The following FAM76A variants were observed in gnomAD, a reference collection of about 807,000 sequenced individuals.
The protein encoded by FAM76A is family with sequence similarity 76 member A, also known as protein FAM76A.
FAM76A carries 32 observed loss-of-function variants against 46.2 expected under a neutral mutation model. The observed-to-expected ratio is 0.69, with a 90% CI of 0.52 to 0.93. FAM76A has a LOEUF of 0.93. Ranked by LOEUF, FAM76A falls within the 40% of genes least tolerant of loss-of-function variation. The pLI is 0.00. For missense variants in FAM76A, 274 were observed against 361.5 expected, an observed-to-expected ratio of 0.76 and a Z score of 1.96; for synonymous variants, 137 against 127.0, an observed-to-expected ratio of 1.08 and a Z score of -0.53.
chr1:27,755,070 A>T, intron 6 of FAM76A, 125 bp from the exon 7 acceptor site: 3 of 1,021,532 alleles, frequency 2.9e-6, no homozygotes, highest in Non-Finnish European at 4.4e-6. Context: ...GTGTGGTGCA[A>T]TGTGCTTGAT....
At position 27,726,047 on chromosome 1, in the gene FAM76A, G is replaced by A; in HGVS notation, c.-34G>A. ...ACTGTCAGATAAATCGGCGGGCCGG[G>A]CCGGCGGGTCGGTGAGCGCGGCCCG... On this transcript the variant is annotated 5_prime_UTR_variant, in exon 1 of 9. Coordinates refer to ENST00000373954, the MANE Select transcript of FAM76A (RefSeq NM_152660.3). 8.0e-7 allele frequency: 1 copy of A among 1,251,760 alleles called. No individual in the cohort carries two copies. The highest frequency in any genetic ancestry group is 1.0e-6 in the Non-Finnish European group (1 of 997,158). The allele number at this position is 1,251,760 out of a possible 1,614,324, so 77.5% of individuals were successfully genotyped here.
At chr1:27,734,655 T>C (rs369932626) in intron 4 of FAM76A, among the ~76,000 whole-genome samples, 15 of 152,258 alleles carry the variant, frequency 9.9e-5, no homozygotes, top group African/African-American at 3.4e-4. Context: ...TTTTCTTCAT[T>C]CATAAAATGT....
chr1:27,743,393 G>T (rs1557781057), intron 4 of FAM76A, among the ~76,000 whole-genome samples: 1 of 152,160 alleles, frequency 6.6e-6, no homozygotes, highest in Non-Finnish European at 1.5e-5. Context: ...GGCTCACGCA[G>T]TCCACCTGCC....
intron 6 of FAM76A, 138 bp downstream of exon 6, chr1:27,749,292 T>C (rs1327140114): frequency 6.3e-6 from 3 of 477,292 alleles, no homozygotes; most frequent in Non-Finnish European, 1.1e-5. Context: ...CTGATATTTG[T>C]TTATAAATCT....
At chr1:27,736,336 C>G (rs533791393) in intron 4 of FAM76A, among the ~76,000 whole-genome samples, 5 of 151,970 alleles carry the variant, frequency 3.3e-5, no homozygotes, top group African/African-American at 1.2e-4. Context: ...AAAAGGAAAG[C>G]GGGGAGGGTA....
At chr1:27,758,620 G>T (rs1174622850) in intron 7 of FAM76A, among the ~76,000 whole-genome samples, 1 of 150,730 alleles carries the variant, frequency 6.6e-6, no homozygotes, top group Non-Finnish European at 1.5e-5. Context: ...TCCCACCTCC[G>T]TCCTCTAAAT....
intron 1 of FAM76A, among the ~76,000 whole-genome samples, chr1:27,727,195 G>A (rs1476637407): frequency 6.6e-6 from 1 of 152,178 alleles, no homozygotes; most frequent in East Asian, 1.9e-4. Flanking sequence ...CTGGAATTCA[G>A]GGCTTCTGAT....
rs2088507616 is a variant in FAM76A, at chr1:27,761,351, A to C, written c.*770A>C. 1 of 152,558 alleles carries C rather than the reference A, an allele frequency of 6.6e-6. No homozygotes were observed. The highest frequency in any genetic ancestry group is 6.6e-5 in the Admixed American group (1 of 15,264). The allele number at this position is 152,558 out of a possible 1,614,324, so 9.5% of individuals were successfully genotyped here. A position where few individuals can be genotyped will look rare whatever the true frequency, so the allele number is the denominator to read the frequency against. On this transcript the variant is annotated 3_prime_UTR_variant, in exon 9 of 9. Transcript: ENST00000373954. ...TTGGAGTCTTAAAAACTGATTGCTA[A>C]GGTGAAACAATTCAATGCATAAGTA...
chr1:27,732,195 C>T (rs2087968648), intron 2 of FAM76A, among the ~76,000 whole-genome samples: 1 of 152,088 alleles, frequency 6.6e-6, no homozygotes, highest in East Asian at 1.9e-4. Flanking sequence ...TTTGGGAGGC[C>T]AAGGCAGATG....
At chr1:27,733,042 C>T (rs1245154590) in intron 3 of FAM76A, among the ~76,000 whole-genome samples, 1 of 151,716 alleles carries the variant, frequency 6.6e-6, no homozygotes, top group Admixed American at 6.6e-5. Context: ...AAGTGATTCT[C>T]CTGCCTCAGC....
In FAM76A at chr1:27,732,638, A is replaced by G; in HGVS notation, c.182A>G (p.Asn61Ser). 1 of 1,609,990 alleles carries G rather than the reference A, an allele frequency of 6.2e-7. No individual in the cohort carries two copies. The highest frequency in any genetic ancestry group is 8.5e-7 in the Non-Finnish European group (1 of 1,176,820). Residue 61 changes from asparagine to serine, a missense_variant, in exon 3 of 9, where the codon AAC (asparagine) becomes AGC (serine). By Grantham distance (46) the Asn-to-Ser change is conservative. Coordinates refer to ENST00000373954, the MANE Select transcript of FAM76A (RefSeq NM_152660.3). Reference sequence around the variant, plus strand: ...ACAATATGCAAGAAATGTGCTCAGAACGTGCAGTTGTATGGAACGGTAAGT... The same window carrying G: ...ACAATATGCAAGAAATGTGCTCAGAGCGTGCAGTTGTATGGAACGGTAAGT... ...TNTICKKCAQ[N>S]VQLYGTPKPC...
At chr1:27,737,868 C>CA (rs71571865) in intron 4 of FAM76A, among the ~76,000 whole-genome samples, 16,673 of 62,352 alleles carry the variant, frequency 0.27, 2,200 homozygotes, top group Non-Finnish European at 0.38. Flanking sequence ...ACAACAACAA[C>CA]AAAAAAAAAA....
chr1:27,737,871 A>C (rs866533919), intron 4 of FAM76A, among the ~76,000 whole-genome samples: 3,238 of 112,760 alleles, frequency 0.029, 20 homozygotes, highest in African/African-American at 0.072. Context: ...ACAACAACAA[A>C]AAAAAAAAAA....
chr1:27,736,190 C>T (rs762013011), intron 4 of FAM76A, among the ~76,000 whole-genome samples: 6 of 152,060 alleles, frequency 3.9e-5, no homozygotes, highest in Admixed American at 1.3e-4. Context: ...GGCGTGGTGG[C>T]GCACACCTGT....
chr1:27,740,041 G>T, intron 4 of FAM76A: 1 of 391,746 alleles, frequency 2.6e-6, no homozygotes, highest in South Asian at 2.3e-5. Flanking sequence ...TCTAGACTCT[G>T]GGTCCACCTG....
At chr1:27,757,763 G>T (rs540872164) in intron 7 of FAM76A, among the ~76,000 whole-genome samples, 88 of 152,214 alleles carry the variant, frequency 5.8e-4, no homozygotes, top group Non-Finnish European at 7.9e-4. Flanking sequence ...GATCACGAGG[G>T]CAGGAGATCA....
At chr1:27,753,367 T>G (rs2088361343) in intron 6 of FAM76A, among the ~76,000 whole-genome samples, 1 of 152,186 alleles carries the variant, frequency 6.6e-6, no homozygotes, top group Non-Finnish European at 1.5e-5. Context: ...AGTTATGGGT[T>G]TAAATAGACT....
intron 4 of FAM76A, among the ~76,000 whole-genome samples, chr1:27,736,338 G>C (rs1409063607): frequency 6.6e-6 from 1 of 151,976 alleles, no homozygotes; most frequent in Non-Finnish European, 1.5e-5. Context: ...AAGGAAAGCG[G>C]GGAGGGTATC....
At chr1:27,758,206 C>G (rs576714978) in intron 7 of FAM76A, among the ~76,000 whole-genome samples, 1 of 152,110 alleles carries the variant, frequency 6.6e-6, no homozygotes, top group Non-Finnish European at 1.5e-5. Flanking sequence ...GAAACAGACC[C>G]GAAGAGGTTA....
Sources: gnomAD v4.1 joint callset for allele counts (sites outside exome capture counted in the v4.1 genomes callset) on GRCh38, gnomAD v4.1.1 for gene constraint, MANE v1.5 for transcripts, NCBI Gene and HGNC (gene_info 2026-07-23, HGNC 2026-07-21) for gene names.